Variants in APLF observed in about 807,000 individuals in gnomAD.
APLF encodes the protein aprataxin and PNK-like factor.
Under a neutral mutation model 55.6 loss-of-function variants are expected in APLF, and 61 were observed. The observed-to-expected ratio is 1.10, with a 90% CI of 0.89 to 1.36. The LOEUF is 1.36. APLF is among the 40% of genes most tolerant of loss of function. The pLI is 0.00. For missense variants in APLF, 611 were observed against 602.5 expected, an observed-to-expected ratio of 1.01 and a Z score of -0.15; for synonymous variants, 207 against 214.8, an observed-to-expected ratio of 0.96 and a Z score of 0.32.
chr2:68,473,877 A>C (rs1386161575), intron 1 of APLF, among the ~76,000 whole-genome samples: 1 of 152,194 alleles, frequency 6.6e-6, no homozygotes, highest in African/African-American at 2.4e-5. Context: ...AATTCAATTT[A>C]ATTCTGACAC....
chr2:68,521,307 G>A (rs1434799828), intron 5 of APLF, among the ~76,000 whole-genome samples: 1 of 151,720 alleles, frequency 6.6e-6, no homozygotes. Context: ...CTCAGTGACA[G>A]TTTGACTCAT....
At chr2:68,515,717 A>G (rs1353120989) in intron 5 of APLF, 1 of 983,716 alleles carries the variant, frequency 1.0e-6, no homozygotes, top group East Asian at 1.1e-4. Context: ...AAAATAAGAT[A>G]GAAGAGTCTT....
At position 68,564,966 on chromosome 2, in the gene APLF, GA is replaced by G. The variant is rs372812001; in HGVS notation, c.1287-2373del. Among the ~76,000 whole-genome samples the G allele has an allele frequency of 1.7e-4, 26 of 152,162 alleles. No individual in the cohort carries two copies. The East Asian group carries it at 4.6e-3, about 27-fold the overall frequency. On this transcript the variant is annotated intron_variant, in intron 8 of 9. Transcript: ENST00000303795. ...CATGTGGCTGTTTACATTTAAATAT[GA>G]ATTAACTAAATACAATTTAAAATTC... is the stretch of plus-strand genomic sequence containing the variant.
intron 8 of APLF, among the ~76,000 whole-genome samples, chr2:68,562,670 G>A (rs761243771): frequency 9.2e-5 from 14 of 151,948 alleles, no homozygotes; most frequent in Non-Finnish European, 1.9e-4. Context: ...AGAGTTAGAA[G>A]AATATACTTG....
chr2:68,538,291 A>G (rs1224766032), intron 7 of APLF, 64 bp downstream of exon 7: 7 of 1,367,534 alleles, frequency 5.1e-6, no homozygotes, highest in East Asian at 2.4e-5. Context: ...ATGTAGATAC[A>G]TGCTACAGTA....
At chr2:68,555,656 C>T (rs1188371327) in intron 8 of APLF, among the ~76,000 whole-genome samples, 2 of 151,982 alleles carry the variant, frequency 1.3e-5, no homozygotes, top group East Asian at 3.8e-4. Context: ...AATGCAGTAC[C>T]ACCCTGCGCC....
chr2:68,544,724 C>T (rs1333496730), intron 7 of APLF, among the ~76,000 whole-genome samples: 1 of 151,926 alleles, frequency 6.6e-6, no homozygotes, highest in Non-Finnish European at 1.5e-5. Context: ...GGATAGTTAC[C>T]TTTGCGTAGT....
intron 6 of APLF, 93 bp downstream of exon 6, chr2:68,526,335 C>T: frequency 1.4e-6 from 2 of 1,456,660 alleles, no homozygotes; most frequent in African/African-American, 1.4e-5. Flanking sequence ...ATCAAAACTG[C>T]CTTTTATTGT....
rs1331758435 is a variant in APLF at position 68,513,213 on chromosome 2, C to A, written c.475C>A (p.Pro159Thr). ...STEIAKTQMTPTNSVSFLGEN... is the reference protein window; with the variant it reads ...STEIAKTQMTTTNSVSFLGEN... Reference sequence around the variant, plus strand: ...AGAAATAGCCAAGACCCAGATGACTCCCACAAATAGTGTGGTGAGAAATTT... The same window carrying A: ...AGAAATAGCCAAGACCCAGATGACTACCACAAATAGTGTGGTGAGAAATTT... The change falls in exon 4 of 10, where the codon CCC becomes ACC. Residue 159 changes from proline (P) to threonine (T), a missense_variant. Coordinates refer to ENST00000303795, the MANE Select transcript of APLF (RefSeq NM_173545.3). 1 of 1,605,324 alleles carries A rather than the reference C, an allele frequency of 6.2e-7. No homozygotes were observed.
At chr2:68,518,401 AATATATT>A (rs1491150918) in intron 5 of APLF, among the ~76,000 whole-genome samples, 1 of 100,082 alleles carries the variant, frequency 1.0e-5, no homozygotes, top group Non-Finnish European at 1.7e-5. Flanking sequence ...AATATATAAC[AATATATT>A]ATATATTATA....
Position 68,578,293 on chromosome 2 carries a change from A to G in APLF, c.*271A>G, listed in dbSNP as rs1671673901. On this transcript the variant is annotated 3_prime_UTR_variant, in exon 10 of 10. Coordinates refer to ENST00000303795, the MANE Select transcript of APLF (RefSeq NM_173545.3). ...GAGTAAAAATGGATATTTTTTATGT[A>G]CTTTGTATATTGGTAATAAAAAGTA... 1.7e-6 allele frequency: 2 copies of G among 1,156,436 alleles called. No homozygotes were observed. The highest frequency in any genetic ancestry group is 5.2e-5 in the East Asian group (1 of 19,118). The allele number at this position is 1,156,436 out of a possible 1,614,324, so 71.6% of individuals were successfully genotyped here.
intron 9 of APLF, among the ~76,000 whole-genome samples, chr2:68,570,204 T>C (rs1452331067): frequency 6.6e-6 from 1 of 151,912 alleles, no homozygotes; most frequent in East Asian, 1.9e-4. Context: ...TCCACACTTT[T>C]TCGAGTGCTA....
chr2:68,504,273 A>G (rs1387302742), intron 3 of APLF, among the ~76,000 whole-genome samples: 1 of 151,954 alleles, frequency 6.6e-6, no homozygotes. Context: ...TTCTCAAAAA[A>G]TAAAAGAAGA....
chr2:68,516,274 G>C (rs1011244987), intron 5 of APLF, among the ~76,000 whole-genome samples: 1 of 151,582 alleles, frequency 6.6e-6, no homozygotes, highest in Admixed American at 6.6e-5. Context: ...CTCTTTATAT[G>C]TTTGGTTTTT....
At chr2:68,560,043 G>C (rs10206940) in intron 8 of APLF, among the ~76,000 whole-genome samples, 12,765 of 152,054 alleles carry the variant, frequency 0.084, 596 homozygotes, top group Middle Eastern at 0.11. Context: ...AAAGACATTT[G>C]CTATTTCCTC....
chr2:68,488,097 A>G (rs1676239944), intron 1 of APLF, among the ~76,000 whole-genome samples: 1 of 152,150 alleles, frequency 6.6e-6, no homozygotes, highest in Non-Finnish European at 1.5e-5. Flanking sequence ...AAGGAAAGAA[A>G]GAAATTTAAG....
intron 4 of APLF, 130 bp from the exon 5 acceptor site, chr2:68,513,417 TC>T: frequency 7.9e-7 from 1 of 1,264,096 alleles, no homozygotes; most frequent in Non-Finnish European, 1.1e-6. Context: ...ATTTCTTTGT[TC>T]AAGAAATTTT....
At chr2:68,504,958 T>C (rs1484248267) in intron 3 of APLF, among the ~76,000 whole-genome samples, 2 of 152,088 alleles carry the variant, frequency 1.3e-5, no homozygotes, top group African/African-American at 4.8e-5. Context: ...TAAACAAATA[T>C]GGACATATTC....
At chr2:68,564,496 A>C (rs34795111) in intron 8 of APLF, among the ~76,000 whole-genome samples, 1 of 152,030 alleles carries the variant, frequency 6.6e-6, no homozygotes, top group African/African-American at 2.4e-5. Context: ...CTGGCATGTA[A>C]TAAGTATTCT....
Sources: allele counts gnomAD v4.1 joint callset (sites outside exome capture counted in the v4.1 genomes callset), GRCh38; gene constraint gnomAD v4.1.1; transcripts MANE v1.5; gene names NCBI Gene and HGNC (gene_info 2026-07-23, HGNC 2026-07-21).